Variants in LARS2 observed in about 807,000 individuals in gnomAD.
LARS2 encodes leucine--tRNA ligase, mitochondrial.
LARS2 carries 81 observed loss-of-function variants against 116.6 expected under a neutral mutation model. The observed-to-expected ratio is 0.69, with a 90% CI of 0.58 to 0.84. The LOEUF (loss-of-function observed/expected upper bound fraction) is 0.84. Ranked by LOEUF, LARS2 falls within the 40% of genes least tolerant of loss-of-function variation. The pLI is 0.00. For synonymous variants in LARS2, 396 were observed against 407.2 expected (o/e 0.97, Z 0.33); for missense variants, 968 against 1,114.5 (o/e 0.87, Z 1.87).
At chr3:45,526,980 G>T (rs1005261692) in intron 20 of LARS2, among the ~76,000 whole-genome samples, 1 of 152,166 alleles carries the variant, frequency 6.6e-6, no homozygotes, top group Non-Finnish European at 1.5e-5. Flanking sequence ...CCAGCCAAGG[G>T]TGAGTGGCAC....
At chr3:45,529,476 G>C (rs915039086) in intron 20 of LARS2, among the ~76,000 whole-genome samples, 4 of 151,352 alleles carry the variant, frequency 2.6e-5, no homozygotes, top group African/African-American at 9.7e-5. Context: ...TTGAACCCAG[G>C]AGGCAGAGGT....
At chr3:45,518,166 T>G in intron 18 of LARS2, 94 bp downstream of exon 18, 1 of 943,808 alleles carries the variant, frequency 1.1e-6, no homozygotes, top group Admixed American at 2.5e-5. Context: ...CTGCCTTGGG[T>G]TGGGCCACTG....
At chr3:45,462,183 G>A (rs75621017) in intron 8 of LARS2, among the ~76,000 whole-genome samples, 7,085 of 152,250 alleles carry the variant, frequency 0.047, 163 homozygotes, top group Middle Eastern at 0.068. Flanking sequence ...ACTGAACTGG[G>A]ATAGGGTTCT....
At position 45,520,285 on chromosome 3, in the gene LARS2, A is replaced by G. The variant is rs1459392811; in HGVS notation, c.2281A>G (p.Asn761Asp). The change falls in exon 19 of 22, where the codon AAT (asparagine) becomes GAT (aspartate). Residue 761 changes from asparagine to aspartate, a missense_variant. Physicochemically the swap from Asn to Asp is conservative, Grantham distance 23 (BLOSUM62 1). Coordinates refer to ENST00000645846, the MANE Select transcript of LARS2 (RefSeq NM_015340.4). ...AATTTCTCAGCTGATGGGACTCAGC[A>G]ATGCCCTCTCGGTAAGTGGCCTGTC... ...SAISQLMGLS[N>D]ALSQASQSVI... 1 of 1,612,590 alleles carries G rather than the reference A, an allele frequency of 6.2e-7. No homozygotes were observed. Among genetic ancestry groups the G allele is most frequent in the Non-Finnish European group, 8.5e-7 (1 of 1,178,720 alleles).
intron 7 of LARS2, among the ~76,000 whole-genome samples, chr3:45,450,501 A>C (rs1699107943): frequency 6.6e-6 from 1 of 152,066 alleles, no homozygotes; most frequent in Non-Finnish European, 1.5e-5. Flanking sequence ...GGTATTGGTA[A>C]TTTCTATGCC....
chr3:45,388,847 C>T (rs972481103), intron 1 of LARS2, 167 bp downstream of exon 1: 2 of 152,226 alleles, frequency 1.3e-5, no homozygotes, highest in African/African-American at 2.4e-5. Flanking sequence ...AGATCTAGGT[C>T]TTCAGGACCT....
chr3:45,546,991 C>A (rs900197200), intron 21 of LARS2, among the ~76,000 whole-genome samples: 2 of 152,218 alleles, frequency 1.3e-5, no homozygotes, highest in Non-Finnish European at 2.9e-5. Flanking sequence ...ACAGAATAAT[C>A]CCTTTCTGCC....
intron 11 of LARS2, among the ~76,000 whole-genome samples, chr3:45,488,438 A>G (rs1024355607): frequency 6.6e-5 from 10 of 152,290 alleles, no homozygotes; most frequent in African/African-American, 2.4e-4. Flanking sequence ...GTCTCAAAAC[A>G]AAAACAAAAA....
At chr3:45,441,199 A>AT (rs1457913966) in intron 6 of LARS2, among the ~76,000 whole-genome samples, 1 of 151,796 alleles carries the variant, frequency 6.6e-6, no homozygotes, top group African/African-American at 2.4e-5. Context: ...TACTTTTTGT[A>AT]TTTTTAGTAG....
intron 8 of LARS2, among the ~76,000 whole-genome samples, chr3:45,461,669 T>C: frequency 6.6e-6 from 1 of 152,156 alleles, no homozygotes; most frequent in East Asian, 1.9e-4. Context: ...ATTGCAATGG[T>C]CCAGGCATGC....
chr3:45,533,392 C>T (rs780187424), intron 20 of LARS2, among the ~76,000 whole-genome samples: 69 of 152,074 alleles, frequency 4.5e-4, no homozygotes, highest in Non-Finnish European at 7.6e-4. Flanking sequence ...CGTGATCCGC[C>T]CGCCTCGGCC....
rs1700808179 is a variant in LARS2, at chr3:45,542,108, G to A, written c.2532+152G>A. The A allele has an allele frequency of 5.2e-6, 5 of 959,224 alleles. No homozygotes were observed. In the South Asian group the frequency reaches 8.7e-5, roughly 17 times the overall value. 59.4% of individuals were successfully genotyped at this position (959,224 alleles called of 1,614,324 possible). On this transcript the variant is annotated intron_variant, in intron 21 of 21. Coordinates refer to ENST00000645846, the MANE Select transcript of LARS2 (RefSeq NM_015340.4). ...CACCTTGTGACCGGAAGGCACAAAG[G>A]CCTGTCTTTCCTTTGCCAGTACCCT...
At chr3:45,400,883 G>A (rs909525719) in intron 4 of LARS2, among the ~76,000 whole-genome samples, 8 of 151,604 alleles carry the variant, frequency 5.3e-5, no homozygotes, top group Non-Finnish European at 1.0e-4. Flanking sequence ...ACGCAGTCTC[G>A]GCTCACTGCA....
rs1458034692 is a variant in LARS2 at position 45,399,713 on chromosome 3, T to G, written c.235-532T>G. On this transcript the variant is annotated intron_variant, in intron 3 of 21. Transcript: ENST00000645846. ...CATGAGTAAGTTATTTAGTGGTGAT[T>G]TGTGAGATTTTGGTGCACCCCTCAC... Among the ~76,000 whole-genome samples the G allele has an allele frequency of 3.3e-5, 5 of 152,168 alleles. No homozygotes were observed. The South Asian group carries it at 1.0e-3, about 32-fold the overall frequency.
intron 8 of LARS2, among the ~76,000 whole-genome samples, chr3:45,466,241 A>C (rs927364279): frequency 1.3e-5 from 2 of 152,144 alleles, no homozygotes; most frequent in Non-Finnish European, 2.9e-5. Context: ...CCTGGACTCC[A>C]TGGGAAGAGA....
At chr3:45,418,228 C>T (rs779223749) in intron 5 of LARS2, among the ~76,000 whole-genome samples, 1 of 152,206 alleles carries the variant, frequency 6.6e-6, no homozygotes, top group African/African-American at 2.4e-5. Flanking sequence ...AGGCCTGGGA[C>T]GCTTCCCCAT....
chr3:45,534,821 C>T (rs1438811713), intron 20 of LARS2, among the ~76,000 whole-genome samples: 10 of 152,212 alleles, frequency 6.6e-5, no homozygotes, highest in Admixed American at 4.6e-4. Flanking sequence ...ACAGACCCAG[C>T]GTCTTGGCAG....
chr3:45,441,970 C>T (rs945715109), intron 6 of LARS2, among the ~76,000 whole-genome samples: 6 of 152,080 alleles, frequency 3.9e-5, no homozygotes, highest in South Asian at 4.2e-4. Flanking sequence ...ATCCCAGATT[C>T]GTAAATTTGG....
At chr3:45,397,939 GT>G (rs899934339) in intron 3 of LARS2, among the ~76,000 whole-genome samples, 3 of 152,126 alleles carry the variant, frequency 2.0e-5, no homozygotes, top group African/African-American at 7.2e-5. Context: ...TGAATCTCAG[GT>G]CCTCTCTCAG....
Sources: allele counts gnomAD v4.1 joint callset (sites outside exome capture counted in the v4.1 genomes callset), GRCh38; gene constraint gnomAD v4.1.1; transcripts MANE v1.5; gene names NCBI Gene and HGNC (gene_info 2026-07-23, HGNC 2026-07-21).